The following DTNA variants were observed in gnomAD, a reference collection of about 807,000 sequenced individuals.
DTNA encodes the protein dystrobrevin alpha.
Under a neutral mutation model 100.7 loss-of-function variants are expected in DTNA, and 43 were observed. The observed-to-expected ratio is 0.43, with a 90% confidence interval of 0.33 to 0.55. DTNA has a LOEUF of 0.55. Among genes scored for constraint, DTNA ranks in the 20% least tolerant of loss-of-function variants. The probability of loss-of-function intolerance (pLI) is 0.04; values close to 1 mark genes in which losing one functional copy is unlikely to be tolerated. For synonymous variants in DTNA, 349 were observed against 347.9 expected, an observed-to-expected ratio of 1.00 and a Z score of -0.04; for missense variants, 798 against 953.9, an observed-to-expected ratio of 0.84 and a Z score of 2.15.
chr18:34,839,465 T>A (rs977425870), intron 13 of DTNA, among the ~76,000 whole-genome samples: 4 of 152,202 alleles, frequency 2.6e-5, no homozygotes, highest in African/African-American at 9.6e-5. Context: ...GATAAAGCCA[T>A]TCAAAAGGCT....
At position 34,888,727 on chromosome 18, in the gene DTNA, G is replaced by C. The variant is rs1171620067; in HGVS notation, c.*993G>C. On this transcript the variant is annotated 3_prime_UTR_variant, in exon 23 of 23. Transcript: ENST00000444659. ...GTTATCTCTGCTCTTCCATGGTCTT[G>C]TTCCTCTCGTTTTGGCTTTAGGAAG... 1 of 985,686 alleles carries C rather than the reference G, an allele frequency of 1.0e-6. No individual in the cohort carries two copies. The highest frequency in any genetic ancestry group is 1.1e-4 in the East Asian group (1 of 8,826). The allele number at this position is 985,686 out of a possible 1,614,324, so 61.1% of individuals were successfully genotyped here. A position where few individuals can be genotyped will look rare whatever the true frequency, so the allele number is the denominator to read the frequency against.
intron 1 of DTNA, among the ~76,000 whole-genome samples, chr18:34,507,940 A>G (rs2439861): frequency 0.86 from 130,513 of 152,210 alleles, 56,382 homozygotes; most frequent in East Asian, 0.93. Context: ...TGTATTTATT[A>G]TATTTAACAT....
At chr18:34,765,620 G>A (rs1302028818) in intron 2 of DTNA, among the ~76,000 whole-genome samples, 1 of 152,186 alleles carries the variant, frequency 6.6e-6, no homozygotes, top group African/African-American at 2.4e-5. Flanking sequence ...TTTGATGATA[G>A]TATCTATATC....
chr18:34,889,437 G>T lies in DTNA; in HGVS notation c.*1703G>T, dbSNP rs1392130559. On this transcript the variant is annotated 3_prime_UTR_variant, in exon 23 of 23. Transcript: ENST00000444659. ...AGAACTACTGCTTTAGAATGAAGTCGTATAATAAAGTCTCTGAAAAGGCCT... is the reference window on the plus strand; with the variant it reads ...AGAACTACTGCTTTAGAATGAAGTCTTATAATAAAGTCTCTGAAAAGGCCT... 1 of 985,238 alleles carries T rather than the reference G, an allele frequency of 1.0e-6. No homozygotes were observed. Among genetic ancestry groups the T allele is most frequent in the Non-Finnish European group, 1.2e-6 (1 of 829,942 alleles). 61.0% of individuals were successfully genotyped at this position (985,238 alleles called of 1,614,324 possible).
chr18:34,829,610 T>C (rs2149575950), intron 11 of DTNA, 121 bp downstream of exon 11: 1 of 1,013,468 alleles, frequency 9.9e-7, no homozygotes, highest in Non-Finnish European at 1.4e-6. Context: ...AGAGGTCTTC[T>C]GGGGTTTAAT....
intron 1 of DTNA, among the ~76,000 whole-genome samples, chr18:34,595,977 G>A (rs2050517919): frequency 6.6e-6 from 1 of 152,136 alleles, no homozygotes; most frequent in African/African-American, 2.4e-5. Flanking sequence ...GCATAAAGCT[G>A]GGTTAGTTAA....
chr18:34,551,555 G>A (rs569472862), intron 1 of DTNA, among the ~76,000 whole-genome samples: 2 of 152,172 alleles, frequency 1.3e-5, no homozygotes, highest in East Asian at 3.9e-4. Context: ...GATGTATAAG[G>A]TGAAAAGAAA....
At chr18:34,774,446 G>A (rs559929469) in intron 3 of DTNA, among the ~76,000 whole-genome samples, 1 of 152,314 alleles carries the variant, frequency 6.6e-6, no homozygotes, top group African/African-American at 2.4e-5. Flanking sequence ...CCATCTGAAA[G>A]TCACTCCTGA....
Position 34,869,977 on chromosome 18 carries a change from T to C in DTNA, c.1744-5262T>C, listed in dbSNP as rs187605532. On this transcript the variant is annotated intron_variant, in intron 17 of 22. Transcript: ENST00000444659. ...CGGAGCTTGCAGTGAGCTGAGATCG[T>C]GCCACTGCACTCCAGCCTGGGCAAC... Among the ~76,000 whole-genome samples the C allele has an allele frequency of 2.8e-3, 433 of 152,246 alleles. 1 individual carries two copies. Among genetic ancestry groups the C allele is most frequent in the Non-Finnish European group, 4.9e-3 (336 of 68,010 alleles).
chr18:34,885,044 GT>G (rs1462833320), intron 22 of DTNA, among the ~76,000 whole-genome samples: 2 of 152,176 alleles, frequency 1.3e-5, no homozygotes, highest in African/African-American at 4.8e-5. Context: ...AGACGTTCCA[GT>G]AATCCTCTGT....
chr18:34,499,604 A>G (rs1216594053), intron 1 of DTNA, among the ~76,000 whole-genome samples: 2 of 152,172 alleles, frequency 1.3e-5, no homozygotes, highest in African/African-American at 2.4e-5. Context: ...ATGAGAAATA[A>G]GTTTCTCTGT....
Position 34,890,178 on chromosome 18 carries a change from T to C in DTNA, c.*2444T>C. On this transcript the variant is annotated 3_prime_UTR_variant, in exon 23 of 23. Coordinates refer to ENST00000444659, the MANE Select transcript of DTNA (RefSeq NM_001386795.1). Reference sequence around the variant, plus strand: ...AACCTTCCCCGTTGTCATAGCTATTTCATTGCCAACCAACTCCATCACATG... The same window carrying C: ...AACCTTCCCCGTTGTCATAGCTATTCCATTGCCAACCAACTCCATCACATG... The C allele has an allele frequency of 6.9e-7, 1 of 1,442,920 alleles. No homozygotes were observed. The highest frequency in any genetic ancestry group is 9.1e-7 in the Non-Finnish European group (1 of 1,104,074). The allele number at this position is 1,442,920 out of a possible 1,614,324, so 89.4% of individuals were successfully genotyped here.
At chr18:34,558,992 T>C (rs1165550719) in intron 1 of DTNA, among the ~76,000 whole-genome samples, 1 of 152,158 alleles carries the variant, frequency 6.6e-6, no homozygotes, top group Admixed American at 6.5e-5. Flanking sequence ...TTAATGTTGG[T>C]TGATTAAGAG....
At chr18:34,691,201 AG>A (rs2079709274) in intron 1 of DTNA, among the ~76,000 whole-genome samples, 1 of 152,254 alleles carries the variant, frequency 6.6e-6, no homozygotes, top group African/African-American at 2.4e-5. Flanking sequence ...CACTTTGAAC[AG>A]AAATTACTTC....
At chr18:34,877,666 A>T in intron 18 of DTNA, 53 bp from the exon 19 acceptor site, 1 of 1,522,406 alleles carries the variant, frequency 6.6e-7, no homozygotes, top group Non-Finnish European at 9.0e-7. Context: ...CAACATAAAA[A>T]TTTAGGATAG....
intron 1 of DTNA, among the ~76,000 whole-genome samples, chr18:34,609,370 G>C (rs543007674): frequency 6.6e-6 from 1 of 150,728 alleles, no homozygotes; most frequent in Non-Finnish European, 1.5e-5. Context: ...TCAGCCTCCC[G>C]AGCGGCTGGG....
At chr18:34,720,170 G>T (rs2084980654) in intron 1 of DTNA, among the ~76,000 whole-genome samples, 1 of 152,070 alleles carries the variant, frequency 6.6e-6, no homozygotes, top group Admixed American at 6.6e-5. Context: ...CAAGCAGGTG[G>T]ACCCAGGCAG....
chr18:34,792,435 GA>G (rs555818470), intron 3 of DTNA, among the ~76,000 whole-genome samples: 152 of 152,226 alleles, frequency 1.0e-3, no homozygotes, highest in African/African-American at 3.2e-3. Flanking sequence ...GAGAAGTCAA[GA>G]AAAAAGTCAC....
intron 1 of DTNA, among the ~76,000 whole-genome samples, chr18:34,554,426 T>A (rs1295681076): frequency 1.3e-5 from 2 of 149,670 alleles, no homozygotes; most frequent in East Asian, 3.9e-4. Context: ...AAAGGAGTGG[T>A]GAGAGAGGGC....
Sources: gnomAD v4.1 joint callset for allele counts (sites outside exome capture counted in the v4.1 genomes callset) on GRCh38, gnomAD v4.1.1 for gene constraint, MANE v1.5 for transcripts, NCBI Gene and HGNC (gene_info 2026-07-23, HGNC 2026-07-21) for gene names.